The following PPFIA3 variants were observed in gnomAD, a reference collection of about 807,000 sequenced individuals.
PPFIA3 encodes PPFI scaffold protein A3, also known as liprin-alpha-3.
PPFIA3 carries 26 observed loss-of-function variants against 145.8 expected under a neutral mutation model. The ratio of observed to expected loss-of-function variants is 0.18; its 90% CI spans 0.13 to 0.25. PPFIA3 has a LOEUF of 0.25. PPFIA3 is among the 10% of genes least tolerant of loss of function. The probability of loss-of-function intolerance (pLI) is 1.00; values close to 1 mark genes in which losing one functional copy is unlikely to be tolerated. For synonymous variants in PPFIA3, 645 were observed against 661.4 expected (o/e 0.98, Z 0.38); for missense variants, 1,008 against 1,587.8 (o/e 0.63, Z 6.21).
intron 1 of PPFIA3, among the ~76,000 whole-genome samples, chr19:49,123,401 C>T (rs2040960637): frequency 6.6e-6 from 1 of 151,942 alleles, no homozygotes. Context: ...TTCCAAAGTG[C>T]TGGAATTACA....
intron 1 of PPFIA3, among the ~76,000 whole-genome samples, chr19:49,126,254 G>A (rs2040997060): frequency 6.7e-6 from 1 of 148,938 alleles, no homozygotes; most frequent in Admixed American, 6.7e-5. Context: ...GGCCGTTACT[G>A]TGTTTTTTTT....
chr19:49,146,069 ACCGAGTCTGTGGC>A, intron 22 of PPFIA3, 64 bp downstream of exon 22: 1 of 1,605,444 alleles, frequency 6.2e-7, no homozygotes. Flanking sequence ...GGGGGCGGGG[ACCGAGTCTGTGGC>A]CATCCCTAAG....
intron 11 of PPFIA3, among the ~76,000 whole-genome samples, 186 bp downstream of exon 11, chr19:49,134,351 A>C (rs1047926613): frequency 9.9e-5 from 15 of 152,144 alleles, no homozygotes; most frequent in Non-Finnish European, 1.5e-5. Context: ...AGACGTTCCA[A>C]GAGCCGAATT....
chr19:49,145,794 T>G (rs3764625), intron 21 of PPFIA3, 149 bp from the exon 22 acceptor site: 424,266 of 719,468 alleles, frequency 0.59, 129,468 homozygotes, highest in African/African-American at 0.84. Flanking sequence ...TGCCCTATAA[T>G]AAGAATCATT....
At chr19:49,132,469 G>A (rs1042360180) in intron 7 of PPFIA3, among the ~76,000 whole-genome samples, 7 of 143,384 alleles carry the variant, frequency 4.9e-5, no homozygotes, top group African/African-American at 1.3e-4. Flanking sequence ...CTGGATAGCC[G>A]CAGGGGCTAT....
chr19:49,149,102 C>A lies in PPFIA3; in HGVS notation c.3219C>A (p.Ala1073=). ...TESGVHGALL[A]LDETFDYSDL... ...GCGGGGTACACGGGGCACTGCTCGCCCTGGACGAGACCTTCGACTACTCCG... is the reference window on the plus strand; with the variant it reads ...GCGGGGTACACGGGGCACTGCTCGCACTGGACGAGACCTTCGACTACTCCG... Residue 1073 remains alanine (A), a synonymous_variant, in exon 26 of 30, where the codon GCC becomes GCA. Coordinates refer to ENST00000334186, the MANE Select transcript of PPFIA3 (RefSeq NM_003660.4). The surrounding 1 kb of genome is among the most constrained non-coding windows in gnomAD (Gnocchi z 5.7). The A allele has an allele frequency of 6.2e-7, 1 of 1,614,140 alleles. No homozygotes were observed. Among genetic ancestry groups the A allele is most frequent in the Middle Eastern group, 1.6e-4 (1 of 6,062 alleles).
intron 23 of PPFIA3, among the ~76,000 whole-genome samples, chr19:49,147,830 A>G (rs1234905300): frequency 6.6e-6 from 1 of 152,236 alleles, no homozygotes; most frequent in Admixed American, 6.5e-5. Context: ...AGATTCTGCA[A>G]TTCCAGCAAG....
Position 49,136,394 on chromosome 19 carries a change from C to T in PPFIA3, c.1666-330C>T, listed in dbSNP as rs140119870. Among the ~76,000 whole-genome samples, 638 of 152,148 alleles carry T rather than the reference C, an allele frequency of 4.2e-3. 11 individuals are homozygous for T. The highest frequency in any genetic ancestry group is 0.027 in the Middle Eastern group (8 of 294). ...GGCAGATCACTTGAGGTCAGGAGTTCGACAGCAGCCTTGCCAAAATGGCAT... is the reference window on the plus strand; with the variant it reads ...GGCAGATCACTTGAGGTCAGGAGTTTGACAGCAGCCTTGCCAAAATGGCAT... On this transcript the variant is annotated intron_variant, in intron 14 of 29. Coordinates refer to ENST00000334186, the MANE Select transcript of PPFIA3 (RefSeq NM_003660.4).
intron 29 of PPFIA3, 27 bp from the exon 30 acceptor site, chr19:49,150,209 C>A: frequency 7.1e-7 from 1 of 1,412,168 alleles, no homozygotes; most frequent in Non-Finnish European, 9.7e-7. Flanking sequence ...ATCTTCACTG[C>A]TCCACGCGCT....
intron 20 of PPFIA3, among the ~76,000 whole-genome samples, chr19:49,142,420 A>T (rs2041233785): frequency 6.6e-6 from 1 of 151,446 alleles, no homozygotes; most frequent in South Asian, 2.1e-4. Context: ...CCCATCTCTG[A>T]CCACGCTTTT....
rs1202502846 is a variant in PPFIA3, at chr19:49,150,468, C to A, written c.*246C>A. 5 of 261,358 alleles carry A rather than the reference C, an allele frequency of 1.9e-5. No homozygotes were observed. The highest frequency in any genetic ancestry group is 2.2e-5 in the African/African-American group (1 of 45,068). The allele number at this position is 261,358 out of a possible 1,614,324, so 16.2% of individuals were successfully genotyped here. ...GGGGAGGAAGAAATCCCGCCCCAAA[C>A]GTCCGCTTTCCTTTTCTCTACTTTG... is the stretch of plus-strand genomic sequence containing the variant. On this transcript the variant is annotated 3_prime_UTR_variant, in exon 30 of 30. Coordinates refer to ENST00000334186, the MANE Select transcript of PPFIA3 (RefSeq NM_003660.4).
chr19:49,128,067 A>C lies in PPFIA3; in HGVS notation c.194A>C (p.His65Pro). ...CAGCTGCGGCTGCGCGAGCTCGGCC[A>C]CGAGAAGGACTCGCTGCAGCGCCAG... ...TAQLRLRELG[H>P]EKDSLQRQLS... Residue 65 changes from histidine to proline, a missense_variant, in exon 2 of 30, where the codon CAC becomes CCC. His to Pro is a moderately conservative substitution (Grantham distance 77, BLOSUM62 -2). Transcript: ENST00000334186. This position sits in a 1 kb window ranked among gnomAD's most constrained non-coding sequence, Gnocchi z 4.1. 6.3e-7 allele frequency: 1 copy of C among 1,592,242 alleles called. No homozygotes were observed. Among genetic ancestry groups the C allele is most frequent in the Non-Finnish European group, 8.5e-7 (1 of 1,177,170 alleles).
intron 18 of PPFIA3, among the ~76,000 whole-genome samples, chr19:49,140,639 CTTTTTTTTTTTT>C (rs4002348): frequency 4.1e-3 from 261 of 63,852 alleles, no homozygotes; most frequent in Non-Finnish European, 4.3e-3. Context: ...ACTCATTTAC[CTTTTTTTTTTTT>C]TTTTTTTTTT....
At chr19:49,136,652 T>G (rs557232473) in intron 14 of PPFIA3, 72 bp from the exon 15 acceptor site, 3 of 1,095,790 alleles carry the variant, frequency 2.7e-6, no homozygotes, top group Non-Finnish European at 3.6e-6. Context: ...CAAGTCAGGA[T>G]CATGAGCCAA....
At chr19:49,141,360 C>A in intron 18 of PPFIA3, 60 bp from the exon 19 acceptor site, 3 of 1,321,122 alleles carry the variant, frequency 2.3e-6, no homozygotes, top group Non-Finnish European at 2.2e-6. Flanking sequence ...TCACCTCCAG[C>A]ATGAAAGATT....
In PPFIA3 at chr19:49,149,404, A is replaced by G. The variant is rs2041316941; in HGVS notation, c.3354+79A>G. The G allele has an allele frequency of 1.3e-6, 2 of 1,594,094 alleles. No individual in the cohort carries two copies. Among genetic ancestry groups the G allele is most frequent in the East Asian group, 2.2e-5 (1 of 44,712 alleles). ...TGAGCTGAGGGGGCGGGGCCTGACT[A>G]TTAATGGTCACGGTTGGAGGCGGGG... On this transcript the variant is annotated intron_variant, in intron 27 of 29. Transcript: ENST00000334186. This position sits in a 1 kb window ranked among gnomAD's most constrained non-coding sequence, Gnocchi z 5.7.
At chr19:49,121,878 C>A (rs1817602062) in intron 1 of PPFIA3, among the ~76,000 whole-genome samples, 1 of 151,830 alleles carries the variant, frequency 6.6e-6, no homozygotes, top group East Asian at 1.9e-4. Context: ...CTCAAGGGAT[C>A]CTTCTCTGTT....
At chr19:49,122,656 G>A (rs1163187835) in intron 1 of PPFIA3, among the ~76,000 whole-genome samples, 1 of 150,686 alleles carries the variant, frequency 6.6e-6, no homozygotes, top group African/African-American at 2.4e-5. Context: ...CCTGTTTTAG[G>A]TTCTAAGGAA....
At chr19:49,136,681 G>C in intron 14 of PPFIA3, 43 bp from the exon 15 acceptor site, 1 of 1,345,446 alleles carries the variant, frequency 7.4e-7, no homozygotes, top group South Asian at 2.0e-5. Context: ...GCCAACCTCG[G>C]CCCCCAGCCA....
Sources: allele counts gnomAD v4.1 joint callset (sites outside exome capture counted in the v4.1 genomes callset), GRCh38; gene constraint gnomAD v4.1.1; non-coding constraint Gnocchi (gnomAD v3.1); transcripts MANE v1.5; gene names NCBI Gene and HGNC (gene_info 2026-07-23, HGNC 2026-07-21).